CSMD1: variants seen among roughly 807,000 people sequenced by gnomAD.
CSMD1 encodes CUB and Sushi multiple domains 1.
In CSMD1, 213 loss-of-function variants were observed where a neutral mutation model predicts 417.5. That is an observed-to-expected ratio of 0.51 (90% CI 0.46 to 0.57). The LOEUF (loss-of-function observed/expected upper bound fraction) is 0.57. CSMD1 is among the 20% of genes least tolerant of loss of function. CSMD1 has a pLI of 0.00. For missense variants in CSMD1, 6,923 were observed against 4,529.7 expected (o/e 1.53, Z -15.17); for synonymous variants, 2,862 against 1,736.8 (o/e 1.65, Z -16.11).
At chr8:4,846,261 A>C (rs934268452) in intron 1 of CSMD1, among the ~76,000 whole-genome samples, 1 of 152,180 alleles carries the variant, frequency 6.6e-6, no homozygotes. Context: ...AAATTTGGAA[A>C]TGTGTGAAGT....
chr8:4,281,898 T>C (rs896411651), intron 3 of CSMD1, among the ~76,000 whole-genome samples: 4 of 152,236 alleles, frequency 2.6e-5, no homozygotes, highest in Non-Finnish European at 5.9e-5. Flanking sequence ...CAAAGGCTTA[T>C]AAAGGTTAAG....
chr8:4,024,127 T>G (rs2688278), intron 4 of CSMD1, among the ~76,000 whole-genome samples: 1 of 151,852 alleles, frequency 6.6e-6, no homozygotes, highest in African/African-American at 2.4e-5. Flanking sequence ...ACAAGAGATG[T>G]TACCAAAAAT....
At position 4,987,958 on chromosome 8, in the gene CSMD1, A is replaced by C. The variant is rs1263083221; in HGVS notation, c.85+6374T>G. 1.3e-5 allele frequency among the ~76,000 whole-genome samples: 2 copies of C among 152,146 alleles called. 1 individual carries two copies. The highest frequency in any genetic ancestry group is 4.8e-5 in the African/African-American group (2 of 41,432). On this transcript the variant is annotated intron_variant, in intron 1 of 69. Transcript: ENST00000635120. ...CCACAGGCTGAAGACTGCACTGTTG[A>C]CTTCCTTGCTCCACAGCTTGCTGAC...
chr8:3,456,643 T>C (rs554376567), intron 12 of CSMD1, among the ~76,000 whole-genome samples: 1 of 152,284 alleles, frequency 6.6e-6, no homozygotes, highest in African/African-American at 2.4e-5. Context: ...GTGGACGTGT[T>C]TCAGTATCAG....
intron 1 of CSMD1, among the ~76,000 whole-genome samples, chr8:4,991,723 C>G (rs955818226): frequency 3.9e-5 from 6 of 152,194 alleles, no homozygotes; most frequent in Non-Finnish European, 8.8e-5. Context: ...GTCACCCGGG[C>G]TTTGCTAGGC....
intron 5 of CSMD1, among the ~76,000 whole-genome samples, chr8:3,856,824 A>G (rs1395483825): frequency 6.6e-6 from 1 of 152,156 alleles, no homozygotes; most frequent in African/African-American, 2.4e-5. Context: ...TGGGGCCCAA[A>G]GTTAACAGAA....
intron 3 of CSMD1, among the ~76,000 whole-genome samples, chr8:4,048,854 TAC>T (rs1365303566): frequency 6.6e-5 from 10 of 152,232 alleles, no homozygotes; most frequent in African/African-American, 2.4e-4. Flanking sequence ...CTGTGTTCAA[TAC>T]AGATAGATCA....
At position 3,214,655 on chromosome 8, in the gene CSMD1, A is replaced by G. The variant is rs1585678258; in HGVS notation, c.4709T>C (p.Ile1570Thr). Residue 1570 changes from isoleucine (I) to threonine (T), a missense_variant, in exon 30 of 70, where the codon ATA (isoleucine) becomes ACA (threonine). By Grantham distance (89) the Ile-to-Thr change is moderately conservative. Coordinates refer to ENST00000635120, the MANE Select transcript of CSMD1 (RefSeq NM_033225.6). ...PREACFDPGN[I>T]MNGTRVGTDF... ...TGTTCCAACTCTTGTCCCATTCATT[A>G]TATTTCCTGGGTCAAAACAAGCTTC... 5 of 1,551,948 alleles carry G rather than the reference A, an allele frequency of 3.2e-6. No individual in the cohort carries two copies. The highest frequency in any genetic ancestry group is 1.2e-5 in the South Asian group (1 of 83,990).
At chr8:4,669,760 G>C (rs866993256) in intron 1 of CSMD1, among the ~76,000 whole-genome samples, 1 of 152,118 alleles carries the variant, frequency 6.6e-6, no homozygotes, top group Middle Eastern at 3.4e-3. Context: ...AGGGTCAGAG[G>C]TAGGGGGTAC....
intron 1 of CSMD1, among the ~76,000 whole-genome samples, chr8:4,919,101 T>C (rs1344976108): frequency 2.0e-5 from 3 of 152,224 alleles, no homozygotes; most frequent in Non-Finnish European, 4.4e-5. Flanking sequence ...AATGATTATG[T>C]AACATGTCAT....
At chr8:3,694,095 G>A (rs1800411577) in intron 7 of CSMD1, among the ~76,000 whole-genome samples, 1 of 151,778 alleles carries the variant, frequency 6.6e-6, no homozygotes, top group Non-Finnish European at 1.5e-5. Flanking sequence ...TATGTGTTGT[G>A]TGTGTTTTGG....
chr8:3,608,949 C>A (rs2117122829), intron 8 of CSMD1, among the ~76,000 whole-genome samples: 1 of 152,156 alleles, frequency 6.6e-6, no homozygotes, highest in Admixed American at 6.6e-5. Flanking sequence ...AGCTCAAGGG[C>A]AAATTTCAAC....
chr8:4,380,254 C>G (rs1379021027), intron 3 of CSMD1, among the ~76,000 whole-genome samples: 1 of 152,140 alleles, frequency 6.6e-6, no homozygotes, highest in Admixed American at 6.5e-5. Flanking sequence ...GTGGACAAGC[C>G]TGACAAACAC....
In CSMD1 at chr8:4,142,185, T is replaced by C. The variant is rs565130687; in HGVS notation, c.416-110086A>G. Among the ~76,000 whole-genome samples, 125 of 151,318 alleles carry C rather than the reference T, an allele frequency of 8.3e-4. 3 individuals carry two copies. Among genetic ancestry groups the C allele is most frequent in the Admixed American group, 1.2e-3 (18 of 15,286 alleles). On this transcript the variant is annotated intron_variant, in intron 3 of 69. Coordinates refer to ENST00000635120, the MANE Select transcript of CSMD1 (RefSeq NM_033225.6). ...TGGTGAATACCATCATGACTCAAGATAATCACCAGATTAAAACATTTTTTA... is the reference window on the plus strand; with the variant it reads ...TGGTGAATACCATCATGACTCAAGACAATCACCAGATTAAAACATTTTTTA...
In CSMD1 at chr8:4,969,980, T is replaced by A. The variant is rs1231603640; in HGVS notation, c.85+24352A>T. 2.7e-5 allele frequency among the ~76,000 whole-genome samples: 4 copies of A among 150,898 alleles called. No homozygotes were observed. In the East Asian group the frequency reaches 7.8e-4, roughly 29 times the overall value. On this transcript the variant is annotated intron_variant, in intron 1 of 69. Transcript: ENST00000635120. ...ATTTGTGTATTTTACATACGTACCA[T>A]GCCTTCCATGGTCCGTATATTAATT...
chr8:4,776,144 G>A (rs961945520), intron 1 of CSMD1, among the ~76,000 whole-genome samples: 2 of 152,094 alleles, frequency 1.3e-5, no homozygotes, highest in East Asian at 1.9e-4. Flanking sequence ...AGAACACCAA[G>A]GTGAAGAAGA....
chr8:3,213,390 AC>A (rs1797719842), intron 30 of CSMD1, among the ~76,000 whole-genome samples: 1 of 151,792 alleles, frequency 6.6e-6, no homozygotes, highest in East Asian at 1.9e-4. Flanking sequence ...GCCTATAGAG[AC>A]CCCCATGAAA....
intron 2 of CSMD1, among the ~76,000 whole-genome samples, chr8:4,545,863 G>C (rs1028616814): frequency 2.6e-5 from 4 of 152,134 alleles, no homozygotes; most frequent in African/African-American, 9.7e-5. Flanking sequence ...ATTTCATCAG[G>C]TGTCCTCTAT....
rs146462404 is a variant in CSMD1 at position 4,379,268 on chromosome 8, G to A, written c.415+40685C>T. On this transcript the variant is annotated intron_variant, in intron 3 of 69. Coordinates refer to ENST00000635120, the MANE Select transcript of CSMD1 (RefSeq NM_033225.6). ...AACATGTGGGACTTTTTAAAAAATA[G>A]GTGACCAGAAATCTTCAAAACTGTC... Among the ~76,000 whole-genome samples, 237 of 152,212 alleles carry A rather than the reference G, an allele frequency of 1.6e-3. 1 individual carries two copies. The highest frequency in any genetic ancestry group is 5.1e-3 in the African/African-American group (213 of 41,528).
Sources: gnomAD v4.1 joint callset for allele counts (sites outside exome capture counted in the v4.1 genomes callset) on GRCh38, gnomAD v4.1.1 for gene constraint, MANE v1.5 for transcripts, NCBI Gene and HGNC (gene_info 2026-07-23, HGNC 2026-07-21) for gene names.